Variants in NUP205 observed in about 807,000 individuals in gnomAD.
NUP205 encodes the protein nucleoporin 205.
A neutral mutation model predicts 253.8 loss-of-function variants in NUP205; 76 were observed. The observed-to-expected ratio is 0.30, with a 90% CI of 0.25 to 0.36. The LOEUF is 0.36. NUP205 is among the 10% of genes least tolerant of loss of function. The pLI, the probability that NUP205 is intolerant of heterozygous loss-of-function variation, is 1.00. For synonymous variants in NUP205, 832 were observed against 850.1 expected (o/e 0.98, Z 0.37); for missense variants, 2,162 against 2,425.5 (o/e 0.89, Z 2.28).
chr7:135,570,740 A>AATTATATTTATATATTATATTAAT (rs1805950507), intron 1 of NUP205, among the ~76,000 whole-genome samples: 1 of 76,950 alleles, frequency 1.3e-5, no homozygotes, highest in African/African-American at 5.1e-5. Context: ...ATATTATATT[A>AATTATATTTATATATTATATTAAT]ATATATTAAT....
At chr7:135,609,432 C>T (rs1032462811) in intron 22 of NUP205, among the ~76,000 whole-genome samples, 5 of 151,206 alleles carry the variant, frequency 3.3e-5, no homozygotes, top group Non-Finnish European at 7.4e-5. Flanking sequence ...GAGCCGAGAT[C>T]GCGCCACTGC....
chr7:135,641,913 C>T (rs1176323081), intron 38 of NUP205, among the ~76,000 whole-genome samples: 1 of 149,908 alleles, frequency 6.7e-6, no homozygotes, highest in Non-Finnish European at 1.5e-5. Context: ...GTATTCATGG[C>T]AGTTTGGGTC....
intron 36 of NUP205, among the ~76,000 whole-genome samples, chr7:135,636,036 CTGTT>C (rs35091650): frequency 0.05 from 7,545 of 152,206 alleles, 391 homozygotes; most frequent in African/African-American, 0.13. Flanking sequence ...CACGAGCAGA[CTGTT>C]TGCCCTAGAG....
chr7:135,611,378 A>G (rs574542487), intron 22 of NUP205, among the ~76,000 whole-genome samples: 61 of 152,130 alleles, frequency 4.0e-4, no homozygotes, highest in Non-Finnish European at 7.1e-4. Context: ...CTCCCCCAGT[A>G]ATAGACCTAA....
In NUP205 at chr7:135,573,707, C is replaced by G; in HGVS notation, c.225C>G (p.Val75=). The G allele has an allele frequency of 6.2e-7, 1 of 1,613,886 alleles. No homozygotes were observed. Among genetic ancestry groups the G allele is most frequent in the Non-Finnish European group, 8.5e-7 (1 of 1,179,852 alleles). ...EKVQKASTEG[V]AIQGQQGTRL... is the part of the protein sequence containing the mutation. ...TTCAGAAAGCCAGTACAGAGGGAGT[C>G]GCCATTCAGGGTCAACAGGGAACTC... Residue 75 remains valine, a synonymous_variant, in exon 3 of 43, where the codon GTC becomes GTG. Transcript: ENST00000285968.
At chr7:135,622,161 AC>A (rs2129491548) in intron 30 of NUP205, among the ~76,000 whole-genome samples, 1 of 151,640 alleles carries the variant, frequency 6.6e-6, no homozygotes, top group South Asian at 2.1e-4. Context: ...ACGGTGGCTC[AC>A]ACCTGTAATC....
intron 7 of NUP205, among the ~76,000 whole-genome samples, chr7:135,581,004 C>T (rs1215822756): frequency 2.0e-5 from 3 of 151,962 alleles, no homozygotes. Context: ...ATGCTCATAT[C>T]CTTTTATAAG....
chr7:135,570,692 A>C (rs1291880723), intron 1 of NUP205, among the ~76,000 whole-genome samples: 2 of 81,010 alleles, frequency 2.5e-5, no homozygotes, highest in African/African-American at 4.3e-5. Flanking sequence ...AATTATATTA[A>C]TATAATTAAT....
intron 30 of NUP205, among the ~76,000 whole-genome samples, chr7:135,622,365 G>T (rs1794490189): frequency 6.7e-6 from 1 of 150,374 alleles, no homozygotes; most frequent in Non-Finnish European, 1.5e-5. Flanking sequence ...GGAGGCTGCA[G>T]TGAGCCAAGA....
intron 22 of NUP205, among the ~76,000 whole-genome samples, chr7:135,608,442 C>T (rs764671076): frequency 1.1e-4 from 17 of 152,092 alleles, no homozygotes; most frequent in Middle Eastern, 3.2e-3. Context: ...CATGGTGGCT[C>T]ACGCCCATAA....
Position 135,573,716 on chromosome 7 carries a change from G to T in NUP205, c.234G>T (p.Gln78His). The change falls in exon 3 of 43, where the codon CAG becomes CAT. Residue 78 changes from glutamine (Q) to histidine (H), a missense_variant. Gln to His is a conservative substitution (Grantham distance 24). Transcript: ENST00000285968. ...CCAGTACAGAGGGAGTCGCCATTCA[G>T]GGTCAACAGGGAACTCGACTTCTTC... is the stretch of plus-strand genomic sequence containing the variant. ...QKASTEGVAI[Q>H]GQQGTRLLPE... 1 of 1,614,026 alleles carries T rather than the reference G, an allele frequency of 6.2e-7. No individual in the cohort carries two copies. Among genetic ancestry groups the T allele is most frequent in the South Asian group, 1.1e-5 (1 of 91,078 alleles).
chr7:135,620,672 A>G (rs1236573374), intron 30 of NUP205, among the ~76,000 whole-genome samples: 1 of 152,240 alleles, frequency 6.6e-6, no homozygotes, highest in African/African-American at 2.4e-5. Context: ...TATATTTCTC[A>G]AAAAGGATAC....
At chr7:135,599,078 C>T (rs1426449259) in intron 15 of NUP205, among the ~76,000 whole-genome samples, 1 of 152,050 alleles carries the variant, frequency 6.6e-6, no homozygotes, top group African/African-American at 2.4e-5. Context: ...ATTATATCAT[C>T]CTTAATTTTG....
rs757186358 is a variant in NUP205 at position 135,626,305 on chromosome 7, T to G, written c.4737T>G (p.Ile1579Met). Residue 1579 changes from isoleucine (I) to methionine (M), a missense_variant, in exon 33 of 43, where the codon ATT (isoleucine) becomes ATG (methionine). Transcript: ENST00000285968. ...TAGAGCTGCTAAGATCAGGGGTGATTGTGAGACTAGCTCAATGCCAAGTCT... is the reference window on the plus strand; with the variant it reads ...TAGAGCTGCTAAGATCAGGGGTGATGGTGAGACTAGCTCAATGCCAAGTCT... The part of the protein sequence containing the change: ...GALELLRSGV[I>M]VRLAQCQVYD... 2.5e-6 allele frequency: 4 copies of G among 1,614,150 alleles called. No homozygotes were observed. Among genetic ancestry groups the G allele is most frequent in the Admixed American group, 1.7e-5 (1 of 60,026 alleles).
chr7:135,638,741 G>T, intron 38 of NUP205, 58 bp downstream of exon 38: 1 of 1,585,130 alleles, frequency 6.3e-7, no homozygotes, highest in South Asian at 1.1e-5. Context: ...TTATGACATA[G>T]CTCTCCAGCT....
At chr7:135,638,453 T>C in intron 37 of NUP205, 104 bp from the exon 38 acceptor site, 1 of 1,034,366 alleles carries the variant, frequency 9.7e-7, no homozygotes, top group Non-Finnish European at 1.4e-6. Flanking sequence ...ATGTGAGTCA[T>C]TTTACAAATT....
chr7:135,602,537 A>T (rs1315486892), intron 17 of NUP205, among the ~76,000 whole-genome samples: 2 of 152,238 alleles, frequency 1.3e-5, no homozygotes, highest in Non-Finnish European at 2.9e-5. Flanking sequence ...AAAGATAAAG[A>T]AGTGATTTGA....
chr7:135,587,536 A>T, intron 8 of NUP205, 39 bp from the exon 9 acceptor site: 1 of 1,200,600 alleles, frequency 8.3e-7, no homozygotes, highest in Non-Finnish European at 1.2e-6. Flanking sequence ...CATGTACAAT[A>T]CATTTACATA....
chr7:135,569,684 C>A (rs1456595104), intron 1 of NUP205, among the ~76,000 whole-genome samples: 1 of 151,876 alleles, frequency 6.6e-6, no homozygotes, highest in Non-Finnish European at 1.5e-5. Flanking sequence ...TAGGGCCATG[C>A]TTAGTAGCAC....
Sources: gnomAD v4.1 joint callset for allele counts (sites outside exome capture counted in the v4.1 genomes callset) on GRCh38, gnomAD v4.1.1 for gene constraint, MANE v1.5 for transcripts, NCBI Gene and HGNC (gene_info 2026-07-23, HGNC 2026-07-21) for gene names.